Variants in KHDRBS2 observed in about 807,000 individuals in gnomAD.
The protein encoded by KHDRBS2 is KH RNA binding domain containing, signal transduction associated 2, also known as KH domain-containing, RNA-binding, signal transduction-associated protein 2.
In KHDRBS2, 26 loss-of-function variants were observed where a neutral mutation model predicts 44.3. The ratio of observed to expected loss-of-function variants is 0.59; its 90% confidence interval spans 0.43 to 0.81. KHDRBS2 has a LOEUF of 0.81. KHDRBS2 is among the 40% of genes least tolerant of loss of function. KHDRBS2 has a pLI of 0.00. For synonymous variants in KHDRBS2, 194 were observed against 151.1 expected (o/e 1.28, Z -2.08); for missense variants, 476 against 433.1 (o/e 1.10, Z -0.88).
chr6:62,161,900 C>A (rs1182817603), intron 2 of KHDRBS2, among the ~76,000 whole-genome samples: 1 of 152,050 alleles, frequency 6.6e-6, no homozygotes, highest in Non-Finnish European at 1.5e-5. Context: ...ACACAAAACT[C>A]TGCACCTTTA....
At chr6:62,095,718 T>C (rs114307521) in intron 2 of KHDRBS2, among the ~76,000 whole-genome samples, 2,094 of 151,984 alleles carry the variant, frequency 0.014, 42 homozygotes, top group African/African-American at 0.047. Context: ...TTTCTTTTTC[T>C]TGCCTGACTG....
chr6:61,563,610 C>T, the KHDRBS2 span, among the ~76,000 whole-genome samples: 4 of 151,908 alleles, frequency 2.6e-5, no homozygotes, highest in Non-Finnish European at 2.9e-5. Flanking sequence ...GAGTCACAGT[C>T]GATGGAATAT....
the KHDRBS2 span, among the ~76,000 whole-genome samples, chr6:61,657,885 T>G: frequency 1.3e-5 from 2 of 151,984 alleles, no homozygotes; most frequent in Non-Finnish European, 2.9e-5. Flanking sequence ...TGAGTCTTTG[T>G]CAGAACATTG....
intron 4 of KHDRBS2, among the ~76,000 whole-genome samples, chr6:61,930,715 A>G (rs1809887443): frequency 1.4e-5 from 2 of 139,322 alleles, no homozygotes; most frequent in African/African-American, 5.3e-5. Context: ...AGAAAAAGAA[A>G]GAAAGACGGC....
the KHDRBS2 span, among the ~76,000 whole-genome samples, chr6:61,660,730 T>A: frequency 6.6e-6 from 1 of 151,802 alleles, no homozygotes; most frequent in Admixed American, 6.6e-5. Context: ...CTACAAAGAT[T>A]TATTGGAAGT....
At chr6:62,078,137 G>A (rs1467712815) in intron 2 of KHDRBS2, among the ~76,000 whole-genome samples, 2 of 151,866 alleles carry the variant, frequency 1.3e-5, no homozygotes, top group Admixed American at 6.6e-5. Context: ...ACAGTTTTGC[G>A]ATTCACTCTA....
At chr6:62,185,213 T>G (rs910675619) in intron 1 of KHDRBS2, among the ~76,000 whole-genome samples, 5 of 151,944 alleles carry the variant, frequency 3.3e-5, no homozygotes, top group Non-Finnish European at 5.9e-5. Context: ...GGAAGTTTAT[T>G]TTACCCATCG....
At chr6:61,993,668 TA>T (rs1352901317) in intron 3 of KHDRBS2, among the ~76,000 whole-genome samples, 16 of 122,622 alleles carry the variant, frequency 1.3e-4, no homozygotes, top group African/African-American at 4.7e-4. Flanking sequence ...TATATATATA[TA>T]TATATTTTTT....
intron 2 of KHDRBS2, among the ~76,000 whole-genome samples, chr6:62,113,623 TTGAG>T (rs1189684796): frequency 1.3e-5 from 2 of 152,200 alleles, no homozygotes; most frequent in African/African-American, 4.8e-5. Context: ...GTGTTCTTAA[TTGAG>T]TAATATTGTG....
chr6:61,831,699 A>G (rs1791847496), intron 6 of KHDRBS2, among the ~76,000 whole-genome samples: 1 of 152,152 alleles, frequency 6.6e-6, no homozygotes, highest in African/African-American at 2.4e-5. Context: ...AATTTCTCAA[A>G]TATCTTCTTA....
At chr6:61,954,657 TAC>T (rs1483767747) in intron 4 of KHDRBS2, among the ~76,000 whole-genome samples, 8 of 131,204 alleles carry the variant, frequency 6.1e-5, no homozygotes, top group Admixed American at 2.3e-4. Flanking sequence ...TATGTATACA[TAC>T]ATATGTGTAT....
chr6:62,091,287 A>AT (rs11374389), intron 2 of KHDRBS2, among the ~76,000 whole-genome samples: 121,369 of 152,078 alleles, frequency 0.8, 49,083 homozygotes, highest in African/African-American at 0.93. Flanking sequence ...AGTATTTTTT[A>AT]TTTTTCATTA....
the KHDRBS2 span, among the ~76,000 whole-genome samples, chr6:61,579,242 C>A: frequency 6.6e-6 from 1 of 152,192 alleles, no homozygotes; most frequent in African/African-American, 2.4e-5. Context: ...CTCGGCTAAA[C>A]TTCTCTTCGG....
chr6:61,847,620 C>T (rs1020929133), intron 6 of KHDRBS2, among the ~76,000 whole-genome samples: 5 of 151,060 alleles, frequency 3.3e-5, no homozygotes, highest in Non-Finnish European at 7.4e-5. Context: ...ATCTGCTTAG[C>T]TATATAAAAC....
intron 7 of KHDRBS2, among the ~76,000 whole-genome samples, chr6:61,723,274 A>G (rs1171337995): frequency 1.3e-5 from 2 of 152,162 alleles, no homozygotes; most frequent in Non-Finnish European, 2.9e-5. Flanking sequence ...GGCCACAAAG[A>G]TGAGAAAGAA....
intron 1 of KHDRBS2, among the ~76,000 whole-genome samples, chr6:62,273,727 C>T (rs369481413): frequency 1.2e-4 from 19 of 152,104 alleles, no homozygotes; most frequent in East Asian, 9.7e-4. Flanking sequence ...TTCTCCAGAC[C>T]CAACTCTCCA....
chr6:61,964,483 T>C (rs1276867337), intron 4 of KHDRBS2, among the ~76,000 whole-genome samples: 1 of 152,014 alleles, frequency 6.6e-6, no homozygotes, highest in Admixed American at 6.6e-5. Flanking sequence ...AACTTATATG[T>C]CTCCCCAGCA....
chr6:61,848,530 T>C (rs12665333), intron 6 of KHDRBS2, among the ~76,000 whole-genome samples: 1,310 of 42,758 alleles, frequency 0.031, 86 homozygotes, highest in Non-Finnish European at 0.036. Flanking sequence ...TATATATATA[T>C]ACATATATAT....
At chr6:61,967,480 TAAG>T (rs994942695) in intron 4 of KHDRBS2, among the ~76,000 whole-genome samples, 12 of 151,632 alleles carry the variant, frequency 7.9e-5, no homozygotes, top group Non-Finnish European at 1.6e-4. Flanking sequence ...TGAATGAAAA[TAAG>T]AAGCAGCAGG....
Sources: allele counts gnomAD v4.1 joint callset (sites outside exome capture counted in the v4.1 genomes callset), GRCh38; gene constraint gnomAD v4.1.1; transcripts MANE v1.5; gene names NCBI Gene and HGNC (gene_info 2026-07-23, HGNC 2026-07-21).